AGBL1: variants seen among roughly 807,000 people sequenced by gnomAD.
AGBL1 encodes the protein cytosolic carboxypeptidase 4.
In AGBL1, 130 loss-of-function variants were observed where a neutral mutation model predicts 118.9. The observed-to-expected ratio is 1.09, with a 90% CI of 0.95 to 1.26. The LOEUF is 1.26. AGBL1 is among the 50% of genes most tolerant of loss of function. The pLI, the probability that AGBL1 is intolerant of heterozygous loss-of-function variation, is 0.00. For synonymous variants in AGBL1, 555 were observed against 478.9 expected (o/e 1.16, Z -2.08); for missense variants, 1,584 against 1,298.1 (o/e 1.22, Z -3.38).
chr15:86,299,019 G>T (rs1480784815), intron 17 of AGBL1, among the ~76,000 whole-genome samples: 1 of 152,114 alleles, frequency 6.6e-6, no homozygotes, highest in African/African-American at 2.4e-5. Context: ...TCTTTTTAAA[G>T]TTATTTTCCT....
At chr15:86,896,275 C>T (rs2080124626) in intron 22 of AGBL1, among the ~76,000 whole-genome samples, 1 of 151,782 alleles carries the variant, frequency 6.6e-6, no homozygotes, top group African/African-American at 2.4e-5. Flanking sequence ...CTTTTCGTAT[C>T]TGCTGAGTCT....
At chr15:86,463,582 T>G (rs1160311413) in intron 18 of AGBL1, among the ~76,000 whole-genome samples, 2 of 152,226 alleles carry the variant, frequency 1.3e-5, no homozygotes, top group East Asian at 1.9e-4. Flanking sequence ...GGTCTTATGT[T>G]TAAATCTTTA....
intron 18 of AGBL1, among the ~76,000 whole-genome samples, chr15:86,424,622 T>C (rs953938570): frequency 2.6e-5 from 4 of 152,042 alleles, no homozygotes; most frequent in Non-Finnish European, 4.4e-5. Context: ...TGGGAGAAAA[T>C]GTTTTTGATC....
At chr15:86,736,183 C>T (rs12101370) in intron 22 of AGBL1, among the ~76,000 whole-genome samples, 8,135 of 152,144 alleles carry the variant, frequency 0.053, 584 homozygotes, top group African/African-American at 0.17. Flanking sequence ...GACATCAAGA[C>T]CATCCTGTCC....
Position 86,410,839 on chromosome 15 carries a change from T to TATATATATATATATATATATATAA in AGBL1, c.2555+13296_2555+13297insTATATATATATATATATATAAATA, listed in dbSNP as rs1311325970. On this transcript the variant is annotated intron_variant, in intron 18 of 22. Transcript: ENST00000614907. ...ATATATATATATATATATATATATA[T>TATATATATATATATATATATATAA]ATAATATACTATTTTATATATAAAA... is the stretch of plus-strand genomic sequence containing the variant. Among the ~76,000 whole-genome samples, 50 of 68,096 alleles carry TATATATATATATATATATATATAA rather than the reference T, an allele frequency of 7.3e-4. 1 individual carries two copies. Among genetic ancestry groups the TATATATATATATATATATATATAA allele is most frequent in the East Asian group, 1.7e-3 (2 of 1,190 alleles). The allele number at this position is 68,096 out of a possible 152,430, so 44.7% of individuals were successfully genotyped here.
chr15:86,622,330 C>CAAA (rs76582205), intron 21 of AGBL1, among the ~76,000 whole-genome samples: 4 of 93,918 alleles, frequency 4.3e-5, no homozygotes, highest in Non-Finnish European at 7.0e-5. Flanking sequence ...GACTCCATCT[C>CAAA]AAAAAAAAAA....
chr15:86,251,556 T>G (rs141199527), intron 7 of AGBL1, among the ~76,000 whole-genome samples: 1 of 152,198 alleles, frequency 6.6e-6, no homozygotes, highest in African/African-American at 2.4e-5. Context: ...GGAACTTTTT[T>G]TAAGTCCTTC....
chr15:86,755,390 A>C (rs1242381044), intron 22 of AGBL1, among the ~76,000 whole-genome samples: 2 of 152,144 alleles, frequency 1.3e-5, no homozygotes, highest in East Asian at 3.9e-4. Flanking sequence ...AGTCCTGAGA[A>C]GGCAAGCTTT....
chr15:86,641,753 A>G (rs2085195279), intron 21 of AGBL1, among the ~76,000 whole-genome samples: 1 of 152,072 alleles, frequency 6.6e-6, no homozygotes, highest in Non-Finnish European at 1.5e-5. Flanking sequence ...TCCGTTTCTG[A>G]ATTTCAAAAA....
downstream of AGBL1, among the ~76,000 whole-genome samples, chr15:87,030,316 C>A (rs2081771613): frequency 6.6e-6 from 1 of 151,958 alleles, no homozygotes; most frequent in Non-Finnish European, 1.5e-5. Context: ...TGAAACTCAA[C>A]TTTAAATATC....
chr15:86,866,514 C>G (rs765053729), intron 22 of AGBL1, among the ~76,000 whole-genome samples: 3 of 152,148 alleles, frequency 2.0e-5, no homozygotes, highest in Non-Finnish European at 4.4e-5. Context: ...CTACTCTTTC[C>G]CAAAGGAGGC....
chr15:86,436,875 G>T (rs1347295679), intron 18 of AGBL1, among the ~76,000 whole-genome samples: 7 of 152,136 alleles, frequency 4.6e-5, no homozygotes, highest in Non-Finnish European at 5.9e-5. Context: ...GCAATAAAGA[G>T]TAAGTAATCA....
chr15:86,087,981 G>A (rs1895775485), intron 1 of AGBL1: 1 of 152,362 alleles, frequency 6.6e-6, no homozygotes, highest in African/African-American at 2.4e-5. Flanking sequence ...GCCCAGAACA[G>A]GGATCAGCAT....
intron 21 of AGBL1, among the ~76,000 whole-genome samples, chr15:86,654,763 T>C (rs2085435728): frequency 6.6e-6 from 1 of 152,082 alleles, no homozygotes; most frequent in Non-Finnish European, 1.5e-5. Context: ...GGTAAACCTT[T>C]TCTGATGATG....
intron 21 of AGBL1, among the ~76,000 whole-genome samples, chr15:86,578,611 C>T (rs140330744): frequency 3.3e-5 from 5 of 152,216 alleles, no homozygotes; most frequent in East Asian, 1.9e-4. Flanking sequence ...ATGTTGAATT[C>T]CCACATGTTT....
chr15:86,835,707 G>A (rs574009635), intron 22 of AGBL1, among the ~76,000 whole-genome samples: 17 of 152,250 alleles, frequency 1.1e-4, no homozygotes, highest in African/African-American at 3.6e-4. Context: ...AATAGTTAGG[G>A]TCTGAGCTGA....
intron 22 of AGBL1, among the ~76,000 whole-genome samples, chr15:86,883,829 A>C (rs1273412981): frequency 6.6e-6 from 1 of 152,188 alleles, no homozygotes; most frequent in East Asian, 1.9e-4. Flanking sequence ...TAGTGACTGT[A>C]AGAATTTTAG....
intron 23 of AGBL1, among the ~76,000 whole-genome samples, chr15:86,978,009 C>T (rs1411720540): frequency 2.6e-5 from 4 of 152,160 alleles, no homozygotes; most frequent in Admixed American, 2.6e-4. Flanking sequence ...GTTTCTAAGA[C>T]TATCATGTAG....
chr15:86,153,166 T>C (rs1239127553), intron 3 of AGBL1, among the ~76,000 whole-genome samples: 1 of 152,200 alleles, frequency 6.6e-6, no homozygotes, highest in Non-Finnish European at 1.5e-5. Context: ...ACTGAGTATA[T>C]ACCCAAAGGA....
Sources: allele counts gnomAD v4.1 joint callset (sites outside exome capture counted in the v4.1 genomes callset), GRCh38; gene constraint gnomAD v4.1.1; transcripts MANE v1.5; gene names NCBI Gene and HGNC (gene_info 2026-07-23, HGNC 2026-07-21).